Variants in ATP10B observed in about 807,000 individuals in gnomAD.
ATP10B encodes ATPase phospholipid transporting 10B (putative).
A neutral mutation model predicts 141.2 loss-of-function variants in ATP10B; 122 were observed. The observed-to-expected ratio is 0.86, with a 90% CI of 0.75 to 1.00. ATP10B has a LOEUF of 1.00. Among genes scored for constraint, ATP10B ranks in the 50% least tolerant of loss-of-function variants. The probability of loss-of-function intolerance (pLI) is 0.00; values close to 1 mark genes in which losing one functional copy is unlikely to be tolerated. For synonymous variants in ATP10B, 685 were observed against 692.0 expected (o/e 0.99, Z 0.16); for missense variants, 1,876 against 1,825.3 (o/e 1.03, Z -0.51).
chr5:160,606,159 T>C (rs915458947), intron 19 of ATP10B, among the ~76,000 whole-genome samples: 1 of 152,226 alleles, frequency 6.6e-6, no homozygotes, highest in Non-Finnish European at 1.5e-5. Context: ...CAGGTTTGGT[T>C]GTTCCTGAAA....
At chr5:160,569,413 C>A (rs1754737944) in intron 25 of ATP10B, 83 bp downstream of exon 25, 8 of 1,399,102 alleles carry the variant, frequency 5.7e-6, no homozygotes, top group Non-Finnish European at 7.9e-6. Context: ...AGAAGTCAAA[C>A]TCCTGACTCT....
rs187048334 is a variant in ATP10B at position 160,818,335 on chromosome 5, C to T, written c.-575-32532G>A. ...ACAAACAACCCCATCAAAAAGTGGG[C>T]AAAGGATATGAACAGACACTTCTCA... On this transcript the variant is annotated intron_variant, in intron 1 of 25. Coordinates refer to ENST00000327245, the MANE Select transcript of ATP10B (RefSeq NM_025153.3). 7.0e-3 allele frequency among the ~76,000 whole-genome samples: 1,065 copies of T among 152,184 alleles called. 18 individuals carry two copies. Among genetic ancestry groups the T allele is most frequent in the African/African-American group, 0.024 (1,004 of 41,536 alleles).
chr5:160,874,511 G>A, the ATP10B span, among the ~76,000 whole-genome samples: 1 of 152,114 alleles, frequency 6.6e-6, no homozygotes, highest in African/African-American at 2.4e-5. Context: ...TTCCTCATCA[G>A]CAACGGACCA....
At chr5:160,761,451 C>T (rs1012244983) in intron 2 of ATP10B, among the ~76,000 whole-genome samples, 32 of 152,222 alleles carry the variant, frequency 2.1e-4, no homozygotes, top group African/African-American at 7.5e-4. Flanking sequence ...GGCCCAGTAG[C>T]CTTGCTGGGT....
chr5:160,575,691 T>A (rs998519929), intron 24 of ATP10B, among the ~76,000 whole-genome samples: 2 of 152,042 alleles, frequency 1.3e-5, no homozygotes, highest in African/African-American at 4.8e-5. Flanking sequence ...AAGAAAACAA[T>A]GGATTAAACA....
At chr5:160,721,032 CAT>C (rs944090470) in intron 2 of ATP10B, among the ~76,000 whole-genome samples, 1 of 151,988 alleles carries the variant, frequency 6.6e-6, no homozygotes, top group African/African-American at 2.4e-5. Flanking sequence ...GAAGTATGTG[CAT>C]ATGTGTGTGT....
chr5:160,689,422 G>A lies in ATP10B; in HGVS notation c.-204-479C>T, dbSNP rs114924391. Among the ~76,000 whole-genome samples, 806 of 152,312 alleles carry A rather than the reference G, an allele frequency of 5.3e-3. 10 individuals are homozygous for A. Among genetic ancestry groups the A allele is most frequent in the East Asian group, 0.016 (84 of 5,188 alleles). Reference sequence around the variant, plus strand: ...AAATAAAGGTATTCGAATAGGAAGAGAGAGAGTCAAATGGTCTATGTTTGC... The same window carrying A: ...AAATAAAGGTATTCGAATAGGAAGAAAGAGAGTCAAATGGTCTATGTTTGC... On this transcript the variant is annotated intron_variant, in intron 3 of 25. Coordinates refer to ENST00000327245, the MANE Select transcript of ATP10B (RefSeq NM_025153.3).
intron 7 of ATP10B, among the ~76,000 whole-genome samples, chr5:160,660,132 C>G (rs1761811291): frequency 6.6e-6 from 1 of 152,142 alleles, no homozygotes; most frequent in Admixed American, 6.5e-5. Flanking sequence ...ACTAAAAAAC[C>G]TCTATTCTTG....
At chr5:160,921,211 T>C in the ATP10B span, among the ~76,000 whole-genome samples, 16 of 151,958 alleles carry the variant, frequency 1.1e-4, no homozygotes, top group Non-Finnish European at 1.8e-4. Flanking sequence ...TATACAACCA[T>C]AAATGTACAT....
intron 1 of ATP10B, among the ~76,000 whole-genome samples, chr5:160,796,767 A>G (rs1350067489): frequency 6.6e-6 from 1 of 152,138 alleles, no homozygotes; most frequent in Non-Finnish European, 1.5e-5. Flanking sequence ...GGATCTTGAG[A>G]GTGGACTCCT....
chr5:160,565,733 A>T lies in ATP10B; in HGVS notation c.4106T>A (p.Val1369Glu). The T allele has an allele frequency of 6.2e-7, 1 of 1,613,982 alleles. No homozygotes were observed. The highest frequency in any genetic ancestry group is 8.5e-7 in the Non-Finnish European group (1 of 1,179,968). The change falls in exon 26 of 26, where the codon GTG (valine) becomes GAG (glutamate). Residue 1369 changes from valine to glutamate, a missense_variant. Physicochemically the swap from Val to Glu is moderately radical, Grantham distance 121. Transcript: ENST00000327245. ...GAAGTCCTGTCCTGTGATAGATGAC[A>T]CTGGGTGGTGAGTTGGTCGAGCCAC... ...PEVARPTHHP[V>E]SSITGQDFSA... is the part of the protein sequence containing the mutation.
chr5:160,870,975 T>TTAAATTATTCTTCAAAAATACAGGA, the ATP10B span, among the ~76,000 whole-genome samples: 1 of 149,070 alleles, frequency 6.7e-6, no homozygotes, highest in East Asian at 2.0e-4. Flanking sequence ...CTGTACTTTT[T>TTAAATTATTCTTCAAAAATACAGGA]GAAATTATTC....
rs182245016 is a variant in ATP10B, at chr5:160,805,574, C to T, written c.-575-19771G>A. On this transcript the variant is annotated intron_variant, in intron 1 of 25. Transcript: ENST00000327245. ...ACTGGGTCACGCTCACCTGGAAGGGCCACCAAGACTAACCCACATTCTCCA... is the reference window on the plus strand; with the variant it reads ...ACTGGGTCACGCTCACCTGGAAGGGTCACCAAGACTAACCCACATTCTCCA... Among the ~76,000 whole-genome samples the T allele has an allele frequency of 2.1e-3, 319 of 152,274 alleles. 3 individuals carry two copies. The highest frequency in any genetic ancestry group is 7.4e-3 in the African/African-American group (309 of 41,564).
chr5:160,792,832 C>T (rs1771682547), intron 1 of ATP10B, among the ~76,000 whole-genome samples: 1 of 152,168 alleles, frequency 6.6e-6, no homozygotes, highest in Non-Finnish European at 1.5e-5. Flanking sequence ...CGAAGTCTGG[C>T]TTCCTTTCTA....
At chr5:160,839,519 A>C (rs1322430691) in intron 1 of ATP10B, among the ~76,000 whole-genome samples, 1 of 152,220 alleles carries the variant, frequency 6.6e-6, no homozygotes, top group Non-Finnish European at 1.5e-5. Context: ...AAACAAAAGC[A>C]CAAAAACTTC....
At position 160,687,994 on chromosome 5, in the gene ATP10B, G is replaced by A. The variant is rs754486917; in HGVS notation, c.81C>T (p.Thr27=). ...CTTTCTCTGGAGAGAGCAGCGGTGTGGTTTCCGATGGACAATGGGGGAAGC... is the reference window on the plus strand; with the variant it reads ...CTTTCTCTGGAGAGAGCAGCGGTGTAGTTTCCGATGGACAATGGGGGAAGC... ...RDGFPHCPSE[T]TPLLSPEKGR... The change falls in exon 5 of 26, where the codon ACC becomes ACT. Residue 27 remains threonine (T), a synonymous_variant. Transcript: ENST00000327245. 7.4e-6 allele frequency: 12 copies of A among 1,613,952 alleles called. No individual in the cohort carries two copies. The African/African-American group carries it at 1.5e-4, about 20-fold the overall frequency.
chr5:160,654,601 T>C (rs113257752), intron 7 of ATP10B, among the ~76,000 whole-genome samples: 111 of 152,284 alleles, frequency 7.3e-4, no homozygotes, highest in African/African-American at 2.5e-3. Context: ...CTTAAGAGGT[T>C]TGGACAGACA....
intron 2 of ATP10B, among the ~76,000 whole-genome samples, chr5:160,768,405 C>G (rs888482111): frequency 1.3e-5 from 2 of 152,118 alleles, no homozygotes; most frequent in Non-Finnish European, 2.9e-5. Context: ...ATGCTGTTAA[C>G]TACTTTATAT....
chr5:160,828,349 T>C (rs924889249), intron 1 of ATP10B, among the ~76,000 whole-genome samples: 4 of 151,980 alleles, frequency 2.6e-5, no homozygotes, highest in Non-Finnish European at 4.4e-5. Context: ...ACAATGAACT[T>C]AAACAAATTT....
Sources: allele counts gnomAD v4.1 joint callset (sites outside exome capture counted in the v4.1 genomes callset), GRCh38; gene constraint gnomAD v4.1.1; transcripts MANE v1.5; gene names NCBI Gene and HGNC (gene_info 2026-07-23, HGNC 2026-07-21).